Variants in USP34 observed in about 807,000 individuals in gnomAD.
USP34 encodes ubiquitin specific peptidase 34.
USP34 carries 70 observed loss-of-function variants against 460.3 expected under a neutral mutation model. The observed-to-expected ratio is 0.15, with a 90% confidence interval of 0.13 to 0.19. USP34 has a LOEUF of 0.19. USP34 is among the 10% of genes least tolerant of loss of function. The probability of loss-of-function intolerance (pLI) is 1.00; values close to 1 mark genes in which losing one functional copy is unlikely to be tolerated. For missense variants in USP34, 3,985 were observed against 4,236.2 expected, an observed-to-expected ratio of 0.94 and a Z score of 1.65; for synonymous variants, 1,647 against 1,405.3, an observed-to-expected ratio of 1.17 and a Z score of -3.85.
intron 10 of USP34, among the ~76,000 whole-genome samples, chr2:61,366,188 T>C (rs1179976336): frequency 2.6e-5 from 4 of 152,232 alleles, no homozygotes; most frequent in Non-Finnish European, 4.4e-5. Context: ...CCTCCCAAAG[T>C]GCTGGGATTG....
intron 51 of USP34, among the ~76,000 whole-genome samples, chr2:61,244,784 T>A (rs956363337): frequency 8.5e-5 from 13 of 152,180 alleles, no homozygotes; most frequent in African/African-American, 3.1e-4. Context: ...AACATTTTTT[T>A]AATTTCTTTT....
intron 62 of USP34, among the ~76,000 whole-genome samples, chr2:61,224,256 G>T (rs762350845): frequency 6.6e-6 from 1 of 152,174 alleles, no homozygotes; most frequent in Non-Finnish European, 1.5e-5. Context: ...CAATTTATCT[G>T]TTGAAGGTCA....
At chr2:61,268,451 A>G (rs1160256423) in intron 41 of USP34, among the ~76,000 whole-genome samples, 2 of 148,856 alleles carry the variant, frequency 1.3e-5, no homozygotes, top group Admixed American at 6.7e-5. Context: ...AAAAAAAAAA[A>G]AAAAAAAAAA....
chr2:61,272,334 C>G (rs1689239816), intron 41 of USP34, among the ~76,000 whole-genome samples: 1 of 149,990 alleles, frequency 6.7e-6, no homozygotes, highest in African/African-American at 2.5e-5. Context: ...TGGTGTGAAC[C>G]TGGGAGGCAG....
chr2:61,421,204 G>A (rs1694344498), intron 1 of USP34, among the ~76,000 whole-genome samples: 1 of 152,184 alleles, frequency 6.6e-6, no homozygotes, highest in African/African-American at 2.4e-5. Flanking sequence ...GAAGGCAGGA[G>A]GAGAGACCAA....
At chr2:61,375,768 C>CAAAAA (rs56304309) in intron 8 of USP34, among the ~76,000 whole-genome samples, 26 of 80,868 alleles carry the variant, frequency 3.2e-4, no homozygotes, top group African/African-American at 9.9e-4. Flanking sequence ...GACTCTGTCT[C>CAAAAA]AAAAAAAAAA....
At chr2:61,298,407 G>T (rs565249285) in intron 29 of USP34, among the ~76,000 whole-genome samples, 6 of 147,174 alleles carry the variant, frequency 4.1e-5, no homozygotes, top group African/African-American at 1.5e-4. Context: ...GCGTGGTGGC[G>T]TGCGCCTGTA....
At chr2:61,443,381 A>C (rs1324372150) in intron 1 of USP34, among the ~76,000 whole-genome samples, 1 of 152,136 alleles carries the variant, frequency 6.6e-6, no homozygotes, top group Non-Finnish European at 1.5e-5. Context: ...ACACATCACT[A>C]TATGATGAAA....
chr2:61,280,424 G>T, intron 38 of USP34, 76 bp from the exon 39 acceptor site: 1 of 690,626 alleles, frequency 1.4e-6, no homozygotes, highest in Non-Finnish European at 2.1e-6. Context: ...GAAACTAGAG[G>T]CTTTATGAAA....
chr2:61,419,827 T>C (rs1694306181), intron 2 of USP34, among the ~76,000 whole-genome samples: 1 of 152,154 alleles, frequency 6.6e-6, no homozygotes. Context: ...ATTCATCTAG[T>C]CCATCCCTAA....
rs1188236120 is a variant in USP34, at chr2:61,378,402, T to G, written c.1037A>C (p.Asp346Ala). Residue 346 changes from aspartate (D) to alanine (A), a missense_variant, in exon 8 of 80, where the codon GAT becomes GCT. Physicochemically the swap from Asp to Ala is moderately radical, Grantham distance 126. Around this residue, in one of 14 missense-constraint regions of USP34, gnomAD observed 716 missense variants for 626.2 expected, o/e 1.14. Transcript: ENST00000398571. ...QITNQLHTFN[D>A]VCNNESLVSD... ...TACTAATGATTCATTATTGCACACA[T>G]CATTGAAGGTATGGAGTTGATTCTA... 6.3e-7 allele frequency: 1 copy of G among 1,594,528 alleles called. No individual in the cohort carries two copies. The highest frequency in any genetic ancestry group is 8.5e-7 in the Non-Finnish European group (1 of 1,174,116).
At chr2:61,342,461 C>G (rs938478927) in intron 16 of USP34, among the ~76,000 whole-genome samples, 11 of 149,420 alleles carry the variant, frequency 7.4e-5, no homozygotes, top group Non-Finnish European at 1.5e-4. Context: ...CCACCATACG[C>G]AGCTAATTTA....
rs549706579 is a variant in USP34 at position 61,428,573 on chromosome 2, T to G, written c.44-7740A>C. On this transcript the variant is annotated intron_variant, in intron 1 of 79. Coordinates refer to ENST00000398571, the MANE Select transcript of USP34 (RefSeq NM_014709.4). The stretch of plus-strand genomic sequence containing the variant: ...AACAGTCTTGCCAAGAAATTTAACC[T>G]GAATCTGATCAAGCCTCTAGATCTA... Among the ~76,000 whole-genome samples the G allele has an allele frequency of 1.2e-3, 180 of 152,272 alleles. 1 individual carries two copies. Among genetic ancestry groups the G allele is most frequent in the Non-Finnish European group, 1.4e-3 (96 of 68,022 alleles).
At chr2:61,246,262 T>C in intron 50 of USP34, 62 bp downstream of exon 50, 3 of 1,323,588 alleles carry the variant, frequency 2.3e-6, no homozygotes, top group Non-Finnish European at 3.0e-6. Context: ...AACTAAACAC[T>C]GAAAACATAT....
intron 5 of USP34, among the ~76,000 whole-genome samples, chr2:61,389,822 C>T (rs958051780): frequency 2.6e-5 from 4 of 151,886 alleles, no homozygotes; most frequent in East Asian, 1.9e-4. Context: ...GCCCTCCTAA[C>T]CTTTTAACCT....
intron 3 of USP34, among the ~76,000 whole-genome samples, chr2:61,397,802 G>C (rs1396095703): frequency 1.3e-5 from 2 of 152,018 alleles, no homozygotes; most frequent in Admixed American, 1.3e-4. Flanking sequence ...GGGAGGCTGA[G>C]GCAGTAGAAC....
At chr2:61,399,741 C>T (rs1693652615) in intron 3 of USP34, among the ~76,000 whole-genome samples, 1 of 151,560 alleles carries the variant, frequency 6.6e-6, no homozygotes, top group Admixed American at 6.6e-5. Flanking sequence ...GGCGTGGTGG[C>T]GGGCGCCTGT....
chr2:61,254,339 C>A (rs780983911), intron 48 of USP34, among the ~76,000 whole-genome samples: 7 of 152,210 alleles, frequency 4.6e-5, no homozygotes, highest in Non-Finnish European at 7.3e-5. Context: ...TCTTTTCCAA[C>A]AATTACATTA....
intron 5 of USP34, among the ~76,000 whole-genome samples, chr2:61,394,012 T>C (rs1693437679): frequency 6.6e-6 from 1 of 151,944 alleles, no homozygotes; most frequent in Non-Finnish European, 1.5e-5. Flanking sequence ...TCCCAGCTAC[T>C]TGGGAGGCTG....
Sources: allele counts gnomAD v4.1 joint callset (sites outside exome capture counted in the v4.1 genomes callset), GRCh38; gene constraint gnomAD v4.1.1; regional missense constraint gnomAD v4.1.1; transcripts MANE v1.5; gene names NCBI Gene and HGNC (gene_info 2026-07-23, HGNC 2026-07-21).